Variants in WHRN observed in about 807,000 individuals in gnomAD.
The protein encoded by WHRN is CASK-interacting protein CIP98.
WHRN carries 41 observed loss-of-function variants against 68.3 expected under a neutral mutation model. The observed-to-expected ratio is 0.60, with a 90% CI of 0.47 to 0.78. The LOEUF (loss-of-function observed/expected upper bound fraction) is 0.78, where lower values mean the gene tolerates loss of function less well. Among genes scored for constraint, WHRN ranks in the 30% least tolerant of loss-of-function variants. WHRN has a pLI of 0.00. For missense variants in WHRN, 1,243 were observed against 1,244.7 expected, an observed-to-expected ratio of 1.00 and a Z score of 0.02; for synonymous variants, 560 against 561.3, an observed-to-expected ratio of 1.00 and a Z score of 0.03.
chr9:114,443,603 C>T (rs1265542349), intron 3 of WHRN, among the ~76,000 whole-genome samples: 1 of 152,178 alleles, frequency 6.6e-6, no homozygotes, highest in African/African-American at 2.4e-5. Context: ...TACCTCAAGG[C>T]CAGCTGAATA....
intron 3 of WHRN, among the ~76,000 whole-genome samples, chr9:114,448,503 C>T (rs1839032899): frequency 1.3e-5 from 2 of 152,150 alleles, no homozygotes; most frequent in Admixed American, 6.5e-5. Context: ...TCCCCTCTCC[C>T]CCTTGAAACT....
At chr9:114,473,721 T>A (rs1841429769) in intron 2 of WHRN, among the ~76,000 whole-genome samples, 1 of 151,980 alleles carries the variant, frequency 6.6e-6, no homozygotes, top group African/African-American at 2.4e-5. Context: ...GTGATAGAAG[T>A]GTAAGTGTGG....
intron 7 of WHRN, 89 bp from the exon 8 acceptor site, chr9:114,408,107 C>G: frequency 9.9e-7 from 1 of 1,013,730 alleles, no homozygotes; most frequent in Non-Finnish European, 1.5e-6. Flanking sequence ...TTGAGGAAGT[C>G]TTAGGACACC....
intron 1 of WHRN, among the ~76,000 whole-genome samples, chr9:114,497,358 C>A (rs1376150667): frequency 6.6e-6 from 1 of 152,070 alleles, no homozygotes; most frequent in Non-Finnish European, 1.5e-5. Flanking sequence ...GGGGAAGGAG[C>A]CAAAGGTGCT....
In WHRN at chr9:114,504,481, G is replaced by T. The variant is rs766238813; in HGVS notation, c.321C>A (p.Asp107Glu). Residue 107 changes from aspartate to glutamate, a missense_variant, in exon 1 of 12, where the codon GAC becomes GAA. Asp to Glu is a conservative substitution (Grantham distance 45, BLOSUM62 2). Transcript: ENST00000362057. ...GGTAGAGGCCCTCGGCCGTGTATTG[G>T]TCGAAGAGCAGCTGGTCGGAGCGCG... is the stretch of plus-strand genomic sequence containing the variant. ...VIPRSDQLLF[D>E]QYTAEGLYLP... 8.2e-5 allele frequency: 132 copies of T among 1,608,618 alleles called. No individual in the cohort carries two copies. In the East Asian group the frequency reaches 2.9e-3, roughly 35 times the overall value.
chr9:114,498,900 A>C (rs183856842), intron 1 of WHRN, among the ~76,000 whole-genome samples: 1 of 152,196 alleles, frequency 6.6e-6, no homozygotes, highest in African/African-American at 2.4e-5. Flanking sequence ...CAAAGCACCC[A>C]GCACATAGTA....
chr9:114,449,091 G>A (rs1839086246), intron 3 of WHRN, among the ~76,000 whole-genome samples: 1 of 152,158 alleles, frequency 6.6e-6, no homozygotes, highest in African/African-American at 2.4e-5. Flanking sequence ...AGCAGAGGCT[G>A]AAGAAATGCT....
At chr9:114,475,194 A>T (rs1335982880) in intron 2 of WHRN, among the ~76,000 whole-genome samples, 1 of 152,132 alleles carries the variant, frequency 6.6e-6, no homozygotes, top group Non-Finnish European at 1.5e-5. Context: ...CAAGGTTTGA[A>T]CCCAGGCAGC....
chr9:114,484,763 A>G (rs1842352370), intron 1 of WHRN, among the ~76,000 whole-genome samples: 1 of 152,226 alleles, frequency 6.6e-6, no homozygotes, highest in South Asian at 2.1e-4. Context: ...AATGTAAATT[A>G]TATGTGTATG....
rs2132378483 is a variant in WHRN, at chr9:114,424,515, T to A, written c.1235A>T (p.Gln412Leu). 1 of 1,613,788 alleles carries A rather than the reference T, an allele frequency of 6.2e-7. No individual in the cohort carries two copies. The highest frequency in any genetic ancestry group is 1.1e-5 in the South Asian group (1 of 91,040). ...PGFYKGPAGS[Q>L]VTLSSLGNQT... Reference sequence around the variant, plus strand: ...GTTCCCCAGGCTGCTCAGGGTCACCTGGGAGCCGGCTGGGCCCTTGTAAAA... The same window carrying A: ...GTTCCCCAGGCTGCTCAGGGTCACCAGGGAGCCGGCTGGGCCCTTGTAAAA... The change falls in exon 6 of 12, where the codon CAG becomes CTG. Residue 412 changes from glutamine to leucine, a missense_variant. Physicochemically the swap from Gln to Leu is moderately radical, Grantham distance 113. Transcript: ENST00000362057.
chr9:114,426,129 G>A, intron 4 of WHRN, 82 bp downstream of exon 4: 15 of 1,583,850 alleles, frequency 9.5e-6, no homozygotes, highest in Non-Finnish European at 1.3e-5. Context: ...AGCCAGGGCG[G>A]TGGAGGGATG....
intron 7 of WHRN, among the ~76,000 whole-genome samples, chr9:114,422,503 C>T (rs945480190): frequency 1.3e-5 from 2 of 152,158 alleles, no homozygotes; most frequent in East Asian, 1.9e-4. Flanking sequence ...CTTGAGATGG[C>T]CAGATGCTTT....
chr9:114,423,638 A>C, intron 6 of WHRN, 115 bp from the exon 7 acceptor site: 1 of 1,004,396 alleles, frequency 1.0e-6, no homozygotes, highest in Non-Finnish European at 1.4e-6. Flanking sequence ...CCCCTCCTTA[A>C]CTGTCTGGCT....
intron 8 of WHRN, among the ~76,000 whole-genome samples, chr9:114,407,310 G>A (rs1468545460): frequency 6.6e-6 from 1 of 152,224 alleles, no homozygotes; most frequent in Non-Finnish European, 1.5e-5. Flanking sequence ...GACAGGAGGA[G>A]ATGGATACAT....
At position 114,504,868 on chromosome 9, in the gene WHRN, T is replaced by C; in HGVS notation, c.-67A>G. The C allele has an allele frequency of 7.5e-7, 1 of 1,336,242 alleles. No homozygotes were observed. The allele number at this position is 1,336,242 out of a possible 1,614,324, so 82.8% of individuals were successfully genotyped here. On this transcript the variant is annotated 5_prime_UTR_variant, in exon 1 of 12. Coordinates refer to ENST00000362057, the MANE Select transcript of WHRN (RefSeq NM_015404.4). The stretch of plus-strand genomic sequence containing the variant: ...TGGGCGGTGCCGCTGTCCTCGCGGG[T>C]ACTGGCGCGACAGCTGGATCCCCGG...
intron 1 of WHRN, chr9:114,491,774 TTGCCTGAG>T (rs1213066298): frequency 3.7e-6 from 1 of 270,452 alleles, no homozygotes; most frequent in East Asian, 7.7e-5. Context: ...CTCCCGCCCT[TTGCCTGAG>T]TGCCTGGAGC....
At chr9:114,451,351 T>C (rs1340954160) in intron 3 of WHRN, among the ~76,000 whole-genome samples, 1 of 152,118 alleles carries the variant, frequency 6.6e-6, no homozygotes, top group Non-Finnish European at 1.5e-5. Context: ...CTTAATCTCA[T>C]TGAGTCTCGG....
chr9:114,440,309 T>G (rs1417896695), intron 3 of WHRN, among the ~76,000 whole-genome samples: 1 of 152,208 alleles, frequency 6.6e-6, no homozygotes, highest in Non-Finnish European at 1.5e-5. Context: ...CAATCTTGGC[T>G]TGCTGCAACC....
intron 2 of WHRN, among the ~76,000 whole-genome samples, chr9:114,467,269 T>C (rs1840790850): frequency 1.3e-5 from 2 of 152,194 alleles, no homozygotes; most frequent in Middle Eastern, 3.4e-3. Flanking sequence ...GTGCACCCAC[T>C]AAATGCAGTC....
Sources: allele counts gnomAD v4.1 joint callset (sites outside exome capture counted in the v4.1 genomes callset), GRCh38; gene constraint gnomAD v4.1.1; transcripts MANE v1.5; gene names NCBI Gene and HGNC (gene_info 2026-07-23, HGNC 2026-07-21).